Variants in RGL1 observed in about 807,000 individuals in gnomAD.
RGL1 encodes the protein ral guanine nucleotide dissociation stimulator like 1.
Under a neutral mutation model 95.2 loss-of-function variants are expected in RGL1, and 24 were observed. The ratio of observed to expected loss-of-function variants is 0.25; its 90% CI spans 0.18 to 0.35. The LOEUF (loss-of-function observed/expected upper bound fraction) is 0.35. Ranked by LOEUF, RGL1 falls within the 10% of genes least tolerant of loss-of-function variation. The pLI, the probability that RGL1 is intolerant of heterozygous loss-of-function variation, is 1.00. For missense variants in RGL1, 715 were observed against 936.3 expected, an observed-to-expected ratio of 0.76 and a Z score of 3.08; for synonymous variants, 329 against 344.9, an observed-to-expected ratio of 0.95 and a Z score of 0.51.
At chr1:183,795,432 G>A (rs143907037) in intron 2 of RGL1, among the ~76,000 whole-genome samples, 1 of 152,330 alleles carries the variant, frequency 6.6e-6, no homozygotes, top group East Asian at 1.9e-4. Context: ...ACATAATAGG[G>A]GTATTTAACT....
intron 3 of RGL1, among the ~76,000 whole-genome samples, chr1:183,857,047 T>G (rs1441075326): frequency 6.6e-6 from 1 of 152,176 alleles, no homozygotes; most frequent in East Asian, 1.9e-4. Flanking sequence ...GGAATTAAGG[T>G]TACTAATCAG....
chr1:183,654,688 G>T (rs973891566), intron 1 of RGL1, among the ~76,000 whole-genome samples: 3 of 152,158 alleles, frequency 2.0e-5, no homozygotes, highest in Non-Finnish European at 4.4e-5. Flanking sequence ...CACCTTCCAT[G>T]GTGGATTAGA....
At chr1:183,856,936 A>G (rs1203665741) in intron 3 of RGL1, among the ~76,000 whole-genome samples, 2 of 152,296 alleles carry the variant, frequency 1.3e-5, no homozygotes, top group Non-Finnish European at 2.9e-5. Context: ...TAGAAGGTAT[A>G]ACATTTATAA....
At chr1:183,746,442 T>A (rs1657633830) in intron 2 of RGL1, among the ~76,000 whole-genome samples, 1 of 152,034 alleles carries the variant, frequency 6.6e-6, no homozygotes, top group Non-Finnish European at 1.5e-5. Flanking sequence ...GTTTATAAAA[T>A]TTTTAAGATT....
chr1:183,899,351 G>C (rs1466442645), intron 10 of RGL1, among the ~76,000 whole-genome samples: 1 of 152,196 alleles, frequency 6.6e-6, no homozygotes, highest in Non-Finnish European at 1.5e-5. Context: ...TGTCACCCCT[G>C]TCTCTTCAGG....
Position 183,701,660 on chromosome 1 carries a change from C to T in RGL1, c.-32-40466C>T, listed in dbSNP as rs145930548. Among the ~76,000 whole-genome samples, 35 of 152,150 alleles carry T rather than the reference C, an allele frequency of 2.3e-4. No homozygotes were observed. In the South Asian group the frequency reaches 3.5e-3, roughly 15 times the overall value. ...TTTTTTAAAATAATATTTTATTGGC[C>T]GGGTGCAGTGGCTCATGCCTGTAAT... is the stretch of plus-strand genomic sequence containing the variant. On this transcript the variant is annotated intron_variant, in intron 1 of 18. Coordinates refer to the RGL1 transcript ENST00000304685.
intron 3 of RGL1, among the ~76,000 whole-genome samples, chr1:183,854,630 C>T (rs985627810): frequency 5.3e-5 from 8 of 152,044 alleles, no homozygotes; most frequent in Admixed American, 1.3e-4. Flanking sequence ...TTTTAGGATA[C>T]ATTATGGGAA....
At chr1:183,859,161 T>G (rs1665350078) in intron 3 of RGL1, among the ~76,000 whole-genome samples, 1 of 152,168 alleles carries the variant, frequency 6.6e-6, no homozygotes, top group Non-Finnish European at 1.5e-5. Flanking sequence ...TGTTTGCAGT[T>G]GGTGGTTTAG....
chr1:183,823,612 T>TAC (rs1321740161), intron 2 of RGL1, among the ~76,000 whole-genome samples: 5 of 152,178 alleles, frequency 3.3e-5, no homozygotes, highest in African/African-American at 4.8e-5. Context: ...GACATCTGAT[T>TAC]TGGATACATA....
At chr1:183,924,008 T>C (rs1404797942) in intron 17 of RGL1, among the ~76,000 whole-genome samples, 2 of 152,220 alleles carry the variant, frequency 1.3e-5, no homozygotes, top group African/African-American at 2.4e-5. Flanking sequence ...CTGTTTGTTT[T>C]TTCAAATACT....
Position 183,765,752 on chromosome 1 carries a change from T to C in RGL1, c.132+23463T>C, listed in dbSNP as rs150342043. Among the ~76,000 whole-genome samples, 771 of 152,332 alleles carry C rather than the reference T, an allele frequency of 5.1e-3. 8 individuals are homozygous for C. Among genetic ancestry groups the C allele is most frequent in the African/African-American group, 0.018 (747 of 41,584 alleles). The stretch of plus-strand genomic sequence containing the variant: ...TGGGTTGTAGCTGATTATAAGCTGC[T>C]TTTTGAGAAGAATCAAAGCAAAACA... On this transcript the variant is annotated intron_variant, in intron 2 of 18. Transcript: ENST00000304685.
chr1:183,723,716 A>T (rs1249530370), intron 1 of RGL1, among the ~76,000 whole-genome samples: 1 of 152,090 alleles, frequency 6.6e-6, no homozygotes. Flanking sequence ...TTCTAAATAA[A>T]CTTGAAAGGC....
chr1:183,886,314 A>T (rs1042366658), intron 7 of RGL1, among the ~76,000 whole-genome samples: 3 of 152,182 alleles, frequency 2.0e-5, no homozygotes, highest in African/African-American at 7.2e-5. Context: ...AATCGAGCTT[A>T]TTGCTCAGCA....
At chr1:183,918,523 T>G (rs892976670) in intron 16 of RGL1, among the ~76,000 whole-genome samples, 1 of 152,198 alleles carries the variant, frequency 6.6e-6, no homozygotes. Flanking sequence ...CAGTTATGTT[T>G]TGGGACATGC....
intron 4 of RGL1, among the ~76,000 whole-genome samples, chr1:183,877,753 G>A (rs1558266043): frequency 1.3e-5 from 2 of 152,222 alleles, no homozygotes; most frequent in African/African-American, 2.4e-5. Context: ...TAAGCTACAG[G>A]AAGGTCACTG....
chr1:183,883,687 G>T, intron 5 of RGL1, 99 bp from the exon 6 acceptor site: 1 of 1,343,656 alleles, frequency 7.4e-7, no homozygotes, highest in Non-Finnish European at 1.0e-6. Flanking sequence ...CTGGAGGATT[G>T]GCCCTCTTCT....
In RGL1 at chr1:183,695,560, T is replaced by A. The variant is rs535607557; in HGVS notation, c.-32-46566T>A. 2.0e-5 allele frequency among the ~76,000 whole-genome samples: 3 copies of A among 152,336 alleles called. No homozygotes were observed. In the East Asian group the frequency reaches 5.8e-4, roughly 29 times the overall value. ...ATTTTATACTGTCAGCCACCAACTT[T>A]CAAGTGGTTGAAGCTCTCCACATAT... On this transcript the variant is annotated intron_variant, in intron 1 of 18. Coordinates refer to the RGL1 transcript ENST00000304685.
intron 2 of RGL1, among the ~76,000 whole-genome samples, chr1:183,818,338 T>C (rs1204030486): frequency 6.6e-6 from 1 of 152,230 alleles, no homozygotes; most frequent in African/African-American, 2.4e-5. Flanking sequence ...TTTGGTTTCA[T>C]CAGCCATAGT....
At chr1:183,642,209 G>A (rs1374872213) in intron 1 of RGL1, among the ~76,000 whole-genome samples, 1 of 152,042 alleles carries the variant, frequency 6.6e-6, no homozygotes, top group Admixed American at 6.5e-5. Context: ...TATTTTATTA[G>A]TAATAGCAAC....
Sources: gnomAD v4.1 joint callset for allele counts (sites outside exome capture counted in the v4.1 genomes callset) on GRCh38, gnomAD v4.1.1 for gene constraint, MANE v1.5 for transcripts, NCBI Gene and HGNC (gene_info 2026-07-23, HGNC 2026-07-21) for gene names.